BAAT: variants seen among roughly 807,000 people sequenced by gnomAD.
BAAT encodes bile acid-CoA:amino acid N-acyltransferase.
BAAT carries 13 observed loss-of-function variants against 18.9 expected under a neutral mutation model. The observed-to-expected ratio is 0.69, with a 90% CI of 0.45 to 1.10. BAAT has a LOEUF of 1.10. BAAT is among the 50% of genes least tolerant of loss of function. The probability of loss-of-function intolerance (pLI) is 0.00; values close to 1 mark genes in which losing one functional copy is unlikely to be tolerated. For missense variants in BAAT, 489 were observed against 504.0 expected, an observed-to-expected ratio of 0.97 and a Z score of 0.28; for synonymous variants, 170 against 190.7, an observed-to-expected ratio of 0.89 and a Z score of 0.89.
chr9:101,371,763 C>G (rs914127472), intron 1 of BAAT, among the ~76,000 whole-genome samples: 1 of 151,986 alleles, frequency 6.6e-6, no homozygotes, highest in African/African-American at 2.4e-5. Context: ...TTATACAGAA[C>G]CTTTAAAAGA....
chr9:101,369,922 G>A (rs1044251125), intron 2 of BAAT, among the ~76,000 whole-genome samples: 3 of 152,094 alleles, frequency 2.0e-5, no homozygotes, highest in African/African-American at 7.2e-5. Flanking sequence ...TGAGCGTTCT[G>A]ATAAGTTTTA....
chr9:101,370,851 T>C (rs1208420012), intron 2 of BAAT, 88 bp downstream of exon 2: 40 of 1,383,724 alleles, frequency 2.9e-5, no homozygotes, highest in Non-Finnish European at 4.0e-5. Context: ...AGAGTAATTC[T>C]ACAAGCTATT....
intron 1 of BAAT, among the ~76,000 whole-genome samples, chr9:101,380,540 A>G (rs1830115865): frequency 6.6e-6 from 1 of 152,160 alleles, no homozygotes; most frequent in Admixed American, 6.5e-5. Flanking sequence ...GCTGGGTTGG[A>G]AGGGCAAGCA....
chr9:101,378,392 T>C (rs1830080940), intron 1 of BAAT, among the ~76,000 whole-genome samples: 1 of 152,034 alleles, frequency 6.6e-6, no homozygotes, highest in South Asian at 2.1e-4. Flanking sequence ...TATAGACCAA[T>C]GGAACAGAAC....
intron 1 of BAAT, among the ~76,000 whole-genome samples, chr9:101,383,229 T>C (rs1830158330): frequency 6.6e-6 from 1 of 152,186 alleles, no homozygotes; most frequent in South Asian, 2.1e-4. Flanking sequence ...AATATCATCA[T>C]AATAGCAAGT....
intron 2 of BAAT, 42 bp from the exon 3 acceptor site, chr9:101,368,364 T>A (rs765108304): frequency 6.4e-7 from 1 of 1,573,070 alleles, no homozygotes; most frequent in Non-Finnish European, 8.7e-7. Flanking sequence ...AGAGAAGGTG[T>A]GGAAAAGATA....
intron 1 of BAAT, among the ~76,000 whole-genome samples, chr9:101,377,946 T>TA (rs1830074118): frequency 6.6e-6 from 1 of 152,062 alleles, no homozygotes; most frequent in South Asian, 2.1e-4. Flanking sequence ...TCACAAGCAT[T>TA]ACTATACCAA....
At chr9:101,375,588 T>G (rs1012702488) in intron 1 of BAAT, 1 of 167,012 alleles carries the variant, frequency 6.0e-6, no homozygotes, top group African/African-American at 2.4e-5. Context: ...GCTCCAGGAT[T>G]GTCCAAAGAT....
chr9:101,368,766 T>C (rs10114241), intron 2 of BAAT, among the ~76,000 whole-genome samples: 22,560 of 152,202 alleles, frequency 0.15, 1,778 homozygotes, highest in South Asian at 0.2. Flanking sequence ...TTAGGAAATC[T>C]GTGAAGATCC....
chr9:101,368,038 C>CAAG, intron 3 of BAAT, 82 bp downstream of exon 3: 1 of 1,446,420 alleles, frequency 6.9e-7, no homozygotes, highest in Non-Finnish European at 9.7e-7. Context: ...GGTGACGGAG[C>CAAG]AAGACCCTGT....
intron 3 of BAAT, among the ~76,000 whole-genome samples, chr9:101,367,531 C>A (rs967851117): frequency 6.7e-5 from 10 of 149,548 alleles, no homozygotes; most frequent in African/African-American, 2.5e-4. Flanking sequence ...GTCACCCAGG[C>A]TGGAGTACAG....
At chr9:101,379,579 T>A (rs1007561752) in intron 1 of BAAT, among the ~76,000 whole-genome samples, 1 of 152,218 alleles carries the variant, frequency 6.6e-6, no homozygotes, top group Admixed American at 6.5e-5. Context: ...GGTCCTACAA[T>A]AATTTATCCT....
intron 1 of BAAT, chr9:101,375,325 T>G (rs1253048453): frequency 6.2e-6 from 1 of 161,110 alleles, no homozygotes; most frequent in East Asian, 1.6e-4. Context: ...TATGTCTTTA[T>G]TAGCAGTGTG....
chr9:101,375,679 A>T (rs1830028053), intron 1 of BAAT: 1 of 155,004 alleles, frequency 6.5e-6, no homozygotes, highest in Non-Finnish European at 1.4e-5. Context: ...ACCGCGGGCG[A>T]ACTGGGAGGA....
In BAAT at chr9:101,371,059, T is replaced by C; in HGVS notation, c.346A>G (p.Asn116Asp). Residue 116 changes from asparagine to aspartate, a missense_variant, in exon 2 of 4, where the codon AAT (asparagine) becomes GAT (aspartate). Physicochemically the swap from Asn to Asp is conservative, Grantham distance 23. Transcript: ENST00000259407. ...GCCTTTGGAGCACTGGCAACTTTAT[T>C]GTTCACTATTAACTCTAAGTCATAA... ...KLYDLELIVN[N>D]KVASAPKASL... 6.2e-7 allele frequency: 1 copy of C among 1,614,070 alleles called. No homozygotes were observed. Among genetic ancestry groups the C allele is most frequent in the Non-Finnish European group, 8.5e-7 (1 of 1,179,990 alleles).
chr9:101,381,621 A>G (rs1466423192), intron 1 of BAAT, among the ~76,000 whole-genome samples: 1 of 152,206 alleles, frequency 6.6e-6, no homozygotes, highest in African/African-American at 2.4e-5. Flanking sequence ...TCAGAAACAC[A>G]TTGTCAAAAA....
Position 101,361,881 on chromosome 9 carries a change from T to C in BAAT, c.*547A>G, listed in dbSNP as rs1462710390. On this transcript the variant is annotated 3_prime_UTR_variant, in exon 4 of 4. Coordinates refer to ENST00000259407, the MANE Select transcript of BAAT (RefSeq NM_001701.4). ...ATGTTTTTAAGAACTGAAGAGGTAA[T>C]TTATTGCAATGAACTAACTGACCTC... The C allele has an allele frequency of 6.3e-6, 1 of 159,448 alleles. No individual in the cohort carries two copies. The highest frequency in any genetic ancestry group is 2.4e-5 in the African/African-American group (1 of 41,494). The allele number at this position is 159,448 out of a possible 1,614,324, so 9.9% of individuals were successfully genotyped here. A position where few individuals can be genotyped will look rare whatever the true frequency, so the allele number is the denominator to read the frequency against.
chr9:101,383,079 G>A (rs543572563), intron 1 of BAAT, among the ~76,000 whole-genome samples: 24 of 152,082 alleles, frequency 1.6e-4, no homozygotes, highest in Non-Finnish European at 2.5e-4. Flanking sequence ...GAATAGGAGG[G>A]CTTATTCTAT....
intron 3 of BAAT, among the ~76,000 whole-genome samples, chr9:101,364,526 C>T (rs1003792583): frequency 1.3e-5 from 2 of 152,146 alleles, no homozygotes; most frequent in Non-Finnish European, 1.5e-5. Context: ...CCACCATCAG[C>T]CACTTTTCTG....
Sources: allele counts gnomAD v4.1 joint callset (sites outside exome capture counted in the v4.1 genomes callset), GRCh38; gene constraint gnomAD v4.1.1; transcripts MANE v1.5; gene names NCBI Gene and HGNC (gene_info 2026-07-23, HGNC 2026-07-21).